Variants in SNX18 observed in about 807,000 individuals in gnomAD.
SNX18 encodes the protein sorting nexin-18.
Under a neutral mutation model 48.7 loss-of-function variants are expected in SNX18, and 35 were observed. The observed-to-expected ratio is 0.72, with a 90% CI of 0.55 to 0.95. SNX18 has a LOEUF of 0.95. Among genes scored for constraint, SNX18 ranks in the 40% least tolerant of loss-of-function variants. The pLI, the probability that SNX18 is intolerant of heterozygous loss-of-function variation, is 0.00. For synonymous variants in SNX18, 492 were observed against 384.7 expected, an observed-to-expected ratio of 1.28 and a Z score of -3.26; for missense variants, 824 against 871.0, an observed-to-expected ratio of 0.95 and a Z score of 0.68.
chr5:54,561,504 A>ATT, the SNX18 span, among the ~76,000 whole-genome samples: 72 of 133,016 alleles, frequency 5.4e-4, no homozygotes, highest in Admixed American at 9.2e-4. Flanking sequence ...CGCCCAGCTA[A>ATT]TTTTTTTTTT....
the SNX18 span, among the ~76,000 whole-genome samples, chr5:54,613,344 C>T: frequency 3.3e-5 from 5 of 151,900 alleles, no homozygotes; most frequent in Non-Finnish European, 5.9e-5. Context: ...AAGGGCTTCT[C>T]GGTGCATCAT....
At chr5:54,622,733 C>A in the SNX18 span, among the ~76,000 whole-genome samples, 1 of 151,534 alleles carries the variant, frequency 6.6e-6, no homozygotes, top group Non-Finnish European at 1.5e-5. Context: ...GTACTGTGGT[C>A]TATTTACATC....
the SNX18 span, among the ~76,000 whole-genome samples, chr5:54,563,466 G>C: frequency 6.6e-6 from 1 of 152,208 alleles, no homozygotes; most frequent in Non-Finnish European, 1.5e-5. Context: ...ATGCTGCACA[G>C]GTTTGTAGCC....
chr5:54,564,858 AAAACAAACAAACAAAAAC>A, the SNX18 span, among the ~76,000 whole-genome samples: 6 of 151,964 alleles, frequency 3.9e-5, no homozygotes, highest in Non-Finnish European at 8.8e-5. Flanking sequence ...TCCGTCTCAA[AAAACAAACAAACAAAAAC>A]AAACAAACAA....
At chr5:54,575,164 C>T in the SNX18 span, among the ~76,000 whole-genome samples, 5 of 152,008 alleles carry the variant, frequency 3.3e-5, no homozygotes, top group African/African-American at 7.3e-5. Context: ...GGACATGTGC[C>T]TTGGGAGTCC....
chr5:54,640,156 C>T, the SNX18 span, among the ~76,000 whole-genome samples: 1 of 152,036 alleles, frequency 6.6e-6, no homozygotes, highest in Non-Finnish European at 1.5e-5. Flanking sequence ...CCTCCTTAAG[C>T]TACAAGGACC....
At chr5:54,588,060 C>A in the SNX18 span, among the ~76,000 whole-genome samples, 1 of 152,112 alleles carries the variant, frequency 6.6e-6, no homozygotes, top group Non-Finnish European at 1.5e-5. Context: ...GGAATCCAAG[C>A]AACCCAATCA....
chr5:54,591,847 C>T, the SNX18 span, among the ~76,000 whole-genome samples: 1 of 152,190 alleles, frequency 6.6e-6, no homozygotes, highest in African/African-American at 2.4e-5. Context: ...AGGAGAGTCA[C>T]CCTGACCCCC....
chr5:54,574,730 C>T, the SNX18 span, among the ~76,000 whole-genome samples: 56 of 152,208 alleles, frequency 3.7e-4, no homozygotes, highest in African/African-American at 1.3e-3. Context: ...TCTGAGATGA[C>T]TTGGGCTGCC....
At chr5:54,555,698 A>G in the SNX18 span, among the ~76,000 whole-genome samples, 1 of 151,978 alleles carries the variant, frequency 6.6e-6, no homozygotes, top group South Asian at 2.1e-4. Context: ...ATTGTGGCAC[A>G]TGCCCGTAGT....
chr5:54,551,700 G>A, the SNX18 span, among the ~76,000 whole-genome samples: 1 of 152,154 alleles, frequency 6.6e-6, no homozygotes, highest in Non-Finnish European at 1.5e-5. Flanking sequence ...CACAGCTTGC[G>A]ATCTTAATTC....
the SNX18 span, among the ~76,000 whole-genome samples, chr5:54,633,802 A>G: frequency 6.6e-6 from 1 of 152,192 alleles, no homozygotes; most frequent in African/African-American, 2.4e-5. Flanking sequence ...GTGTGCTGGG[A>G]TAGTAAGCCA....
the SNX18 span, among the ~76,000 whole-genome samples, chr5:54,590,261 T>C: frequency 0.047 from 7,168 of 152,332 alleles, 462 homozygotes; most frequent in African/African-American, 0.15. Flanking sequence ...TTTCCAATGC[T>C]GTCAGATGTG....
the SNX18 span, among the ~76,000 whole-genome samples, chr5:54,590,234 T>C: frequency 6.6e-6 from 1 of 152,226 alleles, no homozygotes; most frequent in East Asian, 1.9e-4. Flanking sequence ...TGCTGGCTAG[T>C]AAGGCCAAAA....
chr5:54,565,884 CA>C, the SNX18 span, among the ~76,000 whole-genome samples: 356 of 152,236 alleles, frequency 2.3e-3, 2 homozygotes, highest in African/African-American at 8.3e-3. Flanking sequence ...AAAAATTAAC[CA>C]ATGAACATGT....
chr5:54,616,922 A>G, the SNX18 span, among the ~76,000 whole-genome samples: 12 of 152,220 alleles, frequency 7.9e-5, no homozygotes, highest in East Asian at 1.9e-4. Context: ...GGACAAGCCA[A>G]TGGGAGATAT....
intron 1 of SNX18, among the ~76,000 whole-genome samples, chr5:54,534,793 G>A (rs1213710973): frequency 6.6e-6 from 1 of 152,072 alleles, no homozygotes; most frequent in Non-Finnish European, 1.5e-5. Flanking sequence ...TGCAGTGCAA[G>A]TACATCTGCT....
chr5:54,644,751 T>C, the SNX18 span: 2 of 152,230 alleles, frequency 1.3e-5, no homozygotes, highest in African/African-American at 4.8e-5. Context: ...GCAGCTGCTA[T>C]CTTGGGACAA....
At chr5:54,625,876 T>C in the SNX18 span, among the ~76,000 whole-genome samples, 3 of 152,210 alleles carry the variant, frequency 2.0e-5, no homozygotes, top group Non-Finnish European at 4.4e-5. Flanking sequence ...GTTTGTATGA[T>C]ATAAGCATGG....
Sources: gnomAD v4.1 joint callset for allele counts (sites outside exome capture counted in the v4.1 genomes callset) on GRCh38, gnomAD v4.1.1 for gene constraint, MANE v1.5 for transcripts, NCBI Gene and HGNC (gene_info 2026-07-23, HGNC 2026-07-21) for gene names.